The following AKR1D1 variants were observed in gnomAD, a reference collection of about 807,000 sequenced individuals.
The protein encoded by AKR1D1 is aldo-keto reductase family 1 member D1.
In AKR1D1, 32 loss-of-function variants were observed where a neutral mutation model predicts 42.6. The observed-to-expected ratio is 0.75, with a 90% CI of 0.57 to 1.01. The LOEUF (loss-of-function observed/expected upper bound fraction) is 1.01. Ranked by LOEUF, AKR1D1 falls within the 50% of genes least tolerant of loss-of-function variation. AKR1D1 has a pLI of 0.00. For synonymous variants in AKR1D1, 123 were observed against 135.5 expected (o/e 0.91, Z 0.64); for missense variants, 364 against 402.2 (o/e 0.91, Z 0.81).
At chr7:138,089,857 G>C (rs908334068) in intron 2 of AKR1D1, among the ~76,000 whole-genome samples, 2 of 152,174 alleles carry the variant, frequency 1.3e-5, no homozygotes, top group Admixed American at 1.3e-4. Context: ...GGCAATGTGG[G>C]GGTGATTAAG....
intron 2 of AKR1D1, chr7:138,091,259 T>C (rs563788934): frequency 1.4e-4 from 24 of 174,482 alleles, no homozygotes; most frequent in African/African-American, 5.2e-4. Flanking sequence ...CTGTAACATA[T>C]GTCACCCCAT....
intron 6 of AKR1D1, 87 bp from the exon 7 acceptor site, chr7:138,107,328 A>C (rs1794453491): frequency 7.0e-7 from 1 of 1,418,702 alleles, no homozygotes; most frequent in African/African-American, 1.4e-5. Context: ...GACTGGGTGA[A>C]TGGGAAGACA....
chr7:138,116,440 G>A (rs1411668681), intron 8 of AKR1D1, among the ~76,000 whole-genome samples, 180 bp from the exon 9 acceptor site: 3 of 152,180 alleles, frequency 2.0e-5, no homozygotes, highest in Non-Finnish European at 2.9e-5. Context: ...AGGCTGTCCA[G>A]AGCTTCAGGA....
At chr7:138,099,866 A>C (rs1364835612) in intron 4 of AKR1D1, among the ~76,000 whole-genome samples, 1 of 65,278 alleles carries the variant, frequency 1.5e-5, no homozygotes, top group Non-Finnish European at 3.0e-5. Context: ...GGGGGGTAAT[A>C]GTTAAAGAAA....
intron 1 of AKR1D1, among the ~76,000 whole-genome samples, chr7:138,082,785 T>C (rs1416288752): frequency 6.6e-6 from 1 of 152,234 alleles, no homozygotes; most frequent in Non-Finnish European, 1.5e-5. Flanking sequence ...GACTGAATTA[T>C]TTCACTTAGT....
chr7:138,082,705 A>T (rs1803083892), intron 1 of AKR1D1, among the ~76,000 whole-genome samples: 1 of 152,152 alleles, frequency 6.6e-6, no homozygotes, highest in African/African-American at 2.4e-5. Flanking sequence ...TTATTTCTTT[A>T]ATCAAAACAA....
intron 6 of AKR1D1, 91 bp downstream of exon 6, chr7:138,106,808 C>A: frequency 1.1e-6 from 1 of 935,200 alleles, no homozygotes; most frequent in South Asian, 1.3e-5. Flanking sequence ...TTTGGTTTGC[C>A]TGTGCAACCT....
At chr7:138,096,747 C>T (rs1794191418) in intron 3 of AKR1D1, among the ~76,000 whole-genome samples, 2 of 151,786 alleles carry the variant, frequency 1.3e-5, no homozygotes, top group Admixed American at 6.5e-5. Flanking sequence ...TCATGACCCT[C>T]TCATGGTCTT....
Position 138,116,676 on chromosome 7 carries a change from C to A in AKR1D1, c.*14C>A. Reference sequence around the variant, plus strand: ...GATGAATACTGACTGCAGGGAGTTCCTGAACAGATTTTTCACTCCCACGAG... The same window carrying A: ...GATGAATACTGACTGCAGGGAGTTCATGAACAGATTTTTCACTCCCACGAG... On this transcript the variant is annotated 3_prime_UTR_variant, in exon 9 of 9. Transcript: ENST00000242375. 6.2e-7 allele frequency: 1 copy of A among 1,613,886 alleles called. No individual in the cohort carries two copies. Among genetic ancestry groups the A allele is most frequent in the Non-Finnish European group, 8.5e-7 (1 of 1,179,846 alleles).
chr7:138,086,443 A>C (rs1265501335), intron 1 of AKR1D1, among the ~76,000 whole-genome samples: 1 of 152,122 alleles, frequency 6.6e-6, no homozygotes, highest in Non-Finnish European at 1.5e-5. Flanking sequence ...TGTTGCTGAA[A>C]TGTGTGTCTC....
Position 138,116,331 on chromosome 7 carries a change from A to G in AKR1D1, c.939-289A>G, listed in dbSNP as rs187475747. The stretch of plus-strand genomic sequence containing the variant: ...AGGAGTAGGGAAGAGGCATGTGCAC[A>G]TGACATGCCTAAGACATGATTCACC... On this transcript the variant is annotated intron_variant, in intron 8 of 8. Coordinates refer to ENST00000242375, the MANE Select transcript of AKR1D1 (RefSeq NM_005989.4). Among the ~76,000 whole-genome samples, 32 of 152,288 alleles carry G rather than the reference A, an allele frequency of 2.1e-4. No individual in the cohort carries two copies. The East Asian group carries it at 5.2e-3, about 25-fold the overall frequency.
intron 1 of AKR1D1, among the ~76,000 whole-genome samples, chr7:138,086,685 T>C (rs1803188682): frequency 1.3e-5 from 2 of 152,194 alleles, no homozygotes; most frequent in African/African-American, 4.8e-5. Flanking sequence ...AACAAATCAA[T>C]AGGTGTGGAC....
rs34809975 is a variant in AKR1D1, at chr7:138,084,256, CT to C, written c.94-4329del. ...AATCTTTTCAAAAGTTTTAATCTAG[CT>C]TTTTTTTTTTTTTTTCTTTTTTTGA... On this transcript the variant is annotated intron_variant, in intron 1 of 8. Coordinates refer to ENST00000242375, the MANE Select transcript of AKR1D1 (RefSeq NM_005989.4). Among the ~76,000 whole-genome samples the C allele has an allele frequency of 3.7e-3, 502 of 134,702 alleles. 2 individuals carry two copies. The highest frequency in any genetic ancestry group is 0.03 in the East Asian group (138 of 4,674). 88.4% of individuals were successfully genotyped at this position (134,702 alleles called of 152,430 possible). A position where few individuals can be genotyped will look rare whatever the true frequency, so the allele number is the denominator to read the frequency against.
At chr7:138,113,590 CAG>C in intron 7 of AKR1D1, 98 bp from the exon 8 acceptor site, 1 of 963,836 alleles carries the variant, frequency 1.0e-6, no homozygotes, top group Non-Finnish European at 1.6e-6. Context: ...TAGACATTTG[CAG>C]AGATATTCAT....
chr7:138,099,551 T>G (rs1355451344), intron 4 of AKR1D1, among the ~76,000 whole-genome samples: 4 of 151,980 alleles, frequency 2.6e-5, no homozygotes, highest in Admixed American at 1.3e-4. Context: ...AATGGTCAAA[T>G]TGAGATATCA....
chr7:138,103,510 CA>C (rs1348892608), intron 4 of AKR1D1, among the ~76,000 whole-genome samples: 1 of 151,624 alleles, frequency 6.6e-6, no homozygotes, highest in Non-Finnish European at 1.5e-5. Context: ...ATGGTAGAAA[CA>C]GTTCAAATAT....
intron 1 of AKR1D1, among the ~76,000 whole-genome samples, chr7:138,084,219 T>C (rs867502456): frequency 2.3e-4 from 35 of 151,992 alleles, no homozygotes; most frequent in African/African-American, 8.2e-4. Context: ...GTCTTTTCAG[T>C]ACTTTTATGG....
chr7:138,087,489 C>T (rs547289609), intron 1 of AKR1D1, among the ~76,000 whole-genome samples: 1 of 152,234 alleles, frequency 6.6e-6, no homozygotes, highest in East Asian at 1.9e-4. Context: ...TAAAATATAT[C>T]CTAAAACATA....
intron 4 of AKR1D1, among the ~76,000 whole-genome samples, chr7:138,100,671 G>C (rs1034611396): frequency 2.1e-4 from 28 of 135,016 alleles, no homozygotes; most frequent in African/African-American, 7.3e-4. Flanking sequence ...CAGAGAAAGA[G>C]AAAAATCCAC....
Sources: allele counts gnomAD v4.1 joint callset (sites outside exome capture counted in the v4.1 genomes callset), GRCh38; gene constraint gnomAD v4.1.1; transcripts MANE v1.5; gene names NCBI Gene and HGNC (gene_info 2026-07-23, HGNC 2026-07-21).